The following HMCN2 variants were observed in gnomAD, a reference collection of about 807,000 sequenced individuals.
HMCN2 encodes hemicentin 2.
Under a neutral mutation model 377.5 loss-of-function variants are expected in HMCN2, and 325 were observed. The observed-to-expected ratio is 0.86, with a 90% CI of 0.79 to 0.94. HMCN2 has a LOEUF of 0.94. Among genes scored for constraint, HMCN2 ranks in the 40% least tolerant of loss-of-function variants. The pLI is 0.00. For missense variants in HMCN2, 4,543 were observed against 4,725.3 expected, an observed-to-expected ratio of 0.96 and a Z score of 1.13; for synonymous variants, 2,007 against 2,046.8, an observed-to-expected ratio of 0.98 and a Z score of 0.53.
intron 15 of HMCN2, among the ~76,000 whole-genome samples, chr9:130,311,536 A>G (rs1837241248): frequency 6.6e-6 from 1 of 152,212 alleles, no homozygotes; most frequent in African/African-American, 2.4e-5. Context: ...AACAGAGGAC[A>G]GGGAATGAGC....
At chr9:130,323,863 C>T (rs965301416) in intron 19 of HMCN2, among the ~76,000 whole-genome samples, 117 of 152,004 alleles carry the variant, frequency 7.7e-4, no homozygotes, top group African/African-American at 2.6e-3. Flanking sequence ...CCACCATGCC[C>T]GGCTAATTTT....
At position 130,407,699 on chromosome 9, in the gene HMCN2, G is replaced by C. The variant is rs558647427; in HGVS notation, c.12682G>C (p.Val4228Leu). The C allele has an allele frequency of 6.7e-5, 84 of 1,245,576 alleles. No homozygotes were observed. Among genetic ancestry groups the C allele is most frequent in the Non-Finnish European group, 8.6e-5 (83 of 962,374 alleles). The allele number at this position is 1,245,576 out of a possible 1,614,324, so 77.2% of individuals were successfully genotyped here. A position where few individuals can be genotyped will look rare whatever the true frequency, so the allele number is the denominator to read the frequency against. ...CACGCAGGCGGTCAGCTTCGTCCAC[G>C]TGAAGGGTAGGGCACATTCCCCAGG... ...GRTQAVSFVH[V>L]KEAPVLQGEA... The change falls in exon 83 of 98, where the codon GTG becomes CTG. Residue 4228 changes from valine to leucine, a missense_variant. By Grantham distance (32) the Val-to-Leu change is conservative. Around this residue, in one of 5 missense-constraint regions of HMCN2, gnomAD observed 1,073 missense variants for 1,319.5 expected, o/e 0.81. Transcript: ENST00000683500.
Position 130,410,631 on chromosome 9 carries a change from G to A in HMCN2, c.12940G>A (p.Val4314Met), listed in dbSNP as rs1237175854. The A allele has an allele frequency of 3.9e-6, 6 of 1,550,534 alleles. No homozygotes were observed. In the East Asian group the frequency reaches 1.2e-4, roughly 32 times the overall value. ...AENEMGVAKK[V>M]VILVLQSAPV... ...GAATGAGATGGGCGTGGCGAAGAAA[G>A]TGGTGATCCTCGTCCTGCAGAGTGA... The change falls in exon 85 of 98, where the codon GTG becomes ATG. Residue 4314 changes from valine to methionine, a missense_variant. Physicochemically the swap from Val to Met is conservative, Grantham distance 21. Around this residue, in one of 5 missense-constraint regions of HMCN2, gnomAD observed 1,155 missense variants for 1,157.7 expected, o/e 1.00. Transcript: ENST00000683500.
intron 31 of HMCN2, among the ~76,000 whole-genome samples, chr9:130,354,553 C>T (rs1839916519): frequency 6.6e-6 from 1 of 152,264 alleles, no homozygotes; most frequent in East Asian, 1.9e-4. Flanking sequence ...ACAGTCAGCA[C>T]CCAGGGGTGG....
chr9:130,408,643 C>A (rs1221065137), intron 83 of HMCN2, 100 bp from the exon 84 acceptor site: 5 of 767,202 alleles, frequency 6.5e-6, no homozygotes, highest in Non-Finnish European at 9.2e-6. Flanking sequence ...CCTCTGGAGG[C>A]CCCTGGAGGC....
intron 95 of HMCN2, chr9:130,431,006 G>A: frequency 2.7e-6 from 1 of 373,282 alleles, no homozygotes. Flanking sequence ...GGACTGCTGG[G>A]TAGAGGGGGG....
chr9:130,419,246 A>G (rs1843857255), intron 86 of HMCN2: 3 of 468,762 alleles, frequency 6.4e-6, no homozygotes, highest in Non-Finnish European at 1.1e-5. Flanking sequence ...TTTGCTGCTC[A>G]TCTTGGACAG....
At position 130,356,081 on chromosome 9, in the gene HMCN2, A is replaced by G; in HGVS notation, c.5256-7A>G. 7.9e-7 allele frequency: 1 copy of G among 1,269,916 alleles called. No homozygotes were observed. Among genetic ancestry groups the G allele is most frequent in the Non-Finnish European group, 1.0e-6 (1 of 975,740 alleles). 78.7% of individuals were successfully genotyped at this position (1,269,916 alleles called of 1,614,324 possible). A position where few individuals can be genotyped will look rare whatever the true frequency, so the allele number is the denominator to read the frequency against. On this transcript the variant is annotated splice_polypyrimidine_tract_variant and splice_region_variant and intron_variant, in intron 33 of 97. Transcript: ENST00000683500. ...GGTTGACACGCCCCCCTCCCTACTCACCTTAGGTGGCTGCAGAATGGCCGC... is the reference window on the plus strand; with the variant it reads ...GGTTGACACGCCCCCCTCCCTACTCGCCTTAGGTGGCTGCAGAATGGCCGC...
chr9:130,311,281 C>A (rs1156750109), intron 15 of HMCN2, among the ~76,000 whole-genome samples: 3 of 152,216 alleles, frequency 2.0e-5, no homozygotes, highest in Non-Finnish European at 2.9e-5. Flanking sequence ...GAGGAGCTCC[C>A]AAGGCGGGCC....
intron 53 of HMCN2, 106 bp downstream of exon 53, chr9:130,377,905 C>A: frequency 2.3e-6 from 2 of 856,480 alleles, no homozygotes; most frequent in Non-Finnish European, 1.4e-6. Flanking sequence ...TCACGCGCCA[C>A]CCGTGGCATC....
At chr9:130,299,997 A>C (rs782619782) in intron 8 of HMCN2, among the ~76,000 whole-genome samples, 2 of 150,960 alleles carry the variant, frequency 1.3e-5, no homozygotes, top group African/African-American at 2.4e-5. Context: ...CTACCCATTC[A>C]TGCATCCATC....
chr9:130,343,275 T>A (rs1839161425), intron 25 of HMCN2, among the ~76,000 whole-genome samples: 1 of 152,206 alleles, frequency 6.6e-6, no homozygotes, highest in Admixed American at 6.5e-5. Flanking sequence ...GCTGAGGTTC[T>A]CTGGAGGGTG....
intron 76 of HMCN2, among the ~76,000 whole-genome samples, chr9:130,399,969 C>T (rs1344261420): frequency 1.3e-5 from 2 of 152,222 alleles, no homozygotes. Flanking sequence ...CTGGACACAC[C>T]AGGTCCTGTG....
In HMCN2 at chr9:130,281,665, G is replaced by A. The variant is rs534571442; in HGVS notation, c.260-2938G>A. On this transcript the variant is annotated intron_variant, in intron 1 of 97. Transcript: ENST00000683500. The stretch of plus-strand genomic sequence containing the variant: ...TCGCAGCACTTTGGGAGGCTGAGGC[G>A]GGCGGATCACCTGAGGTCAGGAGTT... Among the ~76,000 whole-genome samples, 42 of 151,740 alleles carry A rather than the reference G, an allele frequency of 2.8e-4. No homozygotes were observed. In the East Asian group the frequency reaches 6.2e-3, roughly 22 times the overall value.
At chr9:130,266,665 C>G (rs145776021) in intron 1 of HMCN2, among the ~76,000 whole-genome samples, 6 of 152,368 alleles carry the variant, frequency 3.9e-5, no homozygotes, top group African/African-American at 1.4e-4. Flanking sequence ...CTCACCCTTG[C>G]TGGTCTTGTC....
At chr9:130,353,234 G>A (rs563664691) in intron 31 of HMCN2, 29 bp downstream of exon 31, 3 of 1,297,318 alleles carry the variant, frequency 2.3e-6, no homozygotes, top group South Asian at 2.5e-5. Context: ...CGGCAGCCGG[G>A]GTGGGCAGTG....
chr9:130,359,143 G>A (rs1421105179), intron 36 of HMCN2, among the ~76,000 whole-genome samples, 176 bp from the exon 37 acceptor site: 1 of 152,126 alleles, frequency 6.6e-6, no homozygotes, highest in South Asian at 2.1e-4. Flanking sequence ...GTTGCTCTTT[G>A]TTCTTGGGCT....
In HMCN2 at chr9:130,351,619, A is replaced by G. The variant is rs1359596705; in HGVS notation, c.4585+42A>G. On this transcript the variant is annotated intron_variant, in intron 30 of 97. Transcript: ENST00000683500. The surrounding 1 kb of genome is among the most constrained non-coding windows in gnomAD (Gnocchi z 5.4). ...TCTGGGACCCCGCCACAGGCTACTC[A>G]GGAAGCTTCCCACCCAGCTGCCCGC... 1 of 1,280,734 alleles carries G rather than the reference A, an allele frequency of 7.8e-7. No individual in the cohort carries two copies. The highest frequency in any genetic ancestry group is 1.3e-5 in the South Asian group (1 of 78,712). 79.3% of individuals were successfully genotyped at this position (1,280,734 alleles called of 1,614,324 possible). A position where few individuals can be genotyped will look rare whatever the true frequency, so the allele number is the denominator to read the frequency against.
chr9:130,358,600 T>C (rs1840181032), intron 36 of HMCN2, 114 bp downstream of exon 36: 3 of 946,624 alleles, frequency 3.2e-6, no homozygotes, highest in Non-Finnish European at 4.5e-6. Context: ...CAGTCATAGT[T>C]GTGCACTTAA....
Sources: allele counts gnomAD v4.1 joint callset (sites outside exome capture counted in the v4.1 genomes callset), GRCh38; gene constraint gnomAD v4.1.1; regional missense constraint gnomAD v4.1.1; non-coding constraint Gnocchi (gnomAD v3.1); transcripts MANE v1.5; gene names NCBI Gene and HGNC (gene_info 2026-07-23, HGNC 2026-07-21).